RBBP8: variants seen among roughly 807,000 people sequenced by gnomAD.
The protein encoded by RBBP8 is DNA endonuclease RBBP8.
A neutral mutation model predicts 108.3 loss-of-function variants in RBBP8; 88 were observed. The observed-to-expected ratio is 0.81, with a 90% confidence interval of 0.68 to 0.97. RBBP8 has a LOEUF of 0.97. RBBP8 is among the 50% of genes least tolerant of loss of function. The pLI is 0.00. For missense variants in RBBP8, 1,023 were observed against 1,049.0 expected, an observed-to-expected ratio of 0.98 and a Z score of 0.34; for synonymous variants, 332 against 348.2, an observed-to-expected ratio of 0.95 and a Z score of 0.52.
At chr18:22,934,860 CT>C (rs1480114526) in intron 1 of RBBP8, 1 of 151,836 alleles carries the variant, frequency 6.6e-6, no homozygotes, top group East Asian at 1.9e-4. Context: ...CATTTACTGC[CT>C]TACGCCTCTT....
chr18:23,016,877 G>A lies in RBBP8; in HGVS notation c.2407G>A (p.Glu803Lys), dbSNP rs2144820572. Residue 803 changes from glutamate to lysine, a missense_variant, in exon 17 of 19, where the codon GAG (glutamate) becomes AAG (lysine). By Grantham distance (56) the Glu-to-Lys change is moderately conservative. Coordinates refer to ENST00000327155, the MANE Select transcript of RBBP8 (RefSeq NM_002894.3). ...FPHIEVVRKK[E>K]ERRKLLGHTC... The stretch of plus-strand genomic sequence containing the variant: ...TCATATTGAGGTGGTTCGGAAAAAA[G>A]AGGAGAGAAGAAAACTGCTTGGGCA... 3 of 1,613,782 alleles carry A rather than the reference G, an allele frequency of 1.9e-6. No homozygotes were observed. Among genetic ancestry groups the A allele is most frequent in the East Asian group, 2.2e-5 (1 of 44,846 alleles).
At chr18:22,945,439 G>A (rs1467887466) in intron 2 of RBBP8, among the ~76,000 whole-genome samples, 1 of 151,806 alleles carries the variant, frequency 6.6e-6, no homozygotes, top group Non-Finnish European at 1.5e-5. Context: ...CCACGCTGGA[G>A]TGCAATGGCG....
rs532257241 is a variant in RBBP8 at position 22,971,812 on chromosome 18, A to AT, written c.361+2900dup. 1.5e-4 allele frequency among the ~76,000 whole-genome samples: 22 copies of AT among 150,940 alleles called. No homozygotes were observed. In the South Asian group the frequency reaches 4.4e-3, roughly 30 times the overall value. On this transcript the variant is annotated intron_variant, in intron 5 of 18. Transcript: ENST00000327155. ...AGGCGCCCACCACCACGCCCAGCTAATTTTTTGTATTTTTAGTAGAGAAGC... is the reference window on the plus strand; with the variant it reads ...AGGCGCCCACCACCACGCCCAGCTAATTTTTTTGTATTTTTAGTAGAGAAGC...
intron 6 of RBBP8, among the ~76,000 whole-genome samples, chr18:22,980,889 A>G (rs1294823935): frequency 1.4e-5 from 2 of 146,176 alleles, no homozygotes; most frequent in Non-Finnish European, 3.0e-5. Flanking sequence ...AAATTTTTTA[A>G]TATATTTGTA....
chr18:23,000,038 GA>G (rs1376580435), intron 14 of RBBP8, among the ~76,000 whole-genome samples: 1 of 152,070 alleles, frequency 6.6e-6, no homozygotes, highest in African/African-American at 2.4e-5. Context: ...TTTGTAGTAG[GA>G]AGTATTTTAG....
chr18:22,946,217 C>G, intron 2 of RBBP8: 1 of 478,858 alleles, frequency 2.1e-6, no homozygotes, highest in Admixed American at 3.6e-5. Context: ...TAATAACTTA[C>G]TTTAGATGGG....
intron 16 of RBBP8, 112 bp downstream of exon 16, chr18:23,006,544 C>A: frequency 1.1e-6 from 1 of 936,858 alleles, no homozygotes; most frequent in Non-Finnish European, 1.7e-6. Context: ...CTCTGTCACC[C>A]AGGCTAGAGT....
chr18:22,937,485 CT>C (rs781096985), intron 2 of RBBP8, among the ~76,000 whole-genome samples: 229 of 142,418 alleles, frequency 1.6e-3, no homozygotes, highest in South Asian at 0.013. Flanking sequence ...TCAAAGATAT[CT>C]TTTTTTTTTT....
chr18:22,996,787 A>G (rs1002895363), intron 13 of RBBP8, among the ~76,000 whole-genome samples: 9 of 152,240 alleles, frequency 5.9e-5, no homozygotes, highest in African/African-American at 2.2e-4. Flanking sequence ...ACTTGAAGCC[A>G]GGAATTCGAG....
At chr18:22,949,785 G>T in intron 4 of RBBP8, 72 bp downstream of exon 4, 1 of 1,180,138 alleles carries the variant, frequency 8.5e-7, no homozygotes, top group East Asian at 2.4e-5. Flanking sequence ...ACTTTCATTT[G>T]TAATTAGTTT....
chr18:22,985,157 T>C (rs1915231299), intron 8 of RBBP8, 167 bp downstream of exon 8: 1 of 440,342 alleles, frequency 2.3e-6, no homozygotes, highest in African/African-American at 2.1e-5. Flanking sequence ...TGTTATCCTA[T>C]TCATATAAAT....
At chr18:22,973,070 C>T (rs962498885) in intron 5 of RBBP8, among the ~76,000 whole-genome samples, 10 of 152,214 alleles carry the variant, frequency 6.6e-5, no homozygotes, top group Admixed American at 5.9e-4. Context: ...ATGACTCCTA[C>T]GTCAAAACTT....
intron 14 of RBBP8, among the ~76,000 whole-genome samples, chr18:22,999,722 A>G (rs1255869037): frequency 3.3e-5 from 5 of 152,354 alleles, no homozygotes; most frequent in Middle Eastern, 3.4e-3. Flanking sequence ...ATATACCAAT[A>G]AAAATTCCAT....
intron 3 of RBBP8, among the ~76,000 whole-genome samples, chr18:22,948,369 TTTTA>T (rs951786918): frequency 1.4e-4 from 21 of 151,848 alleles, no homozygotes; most frequent in East Asian, 9.7e-4. Flanking sequence ...GTAGGAAATA[TTTTA>T]TTTATTTATT....
At chr18:22,914,867 T>A (rs897938284) in intron 1 of RBBP8, among the ~76,000 whole-genome samples, 32 of 152,300 alleles carry the variant, frequency 2.1e-4, no homozygotes, top group African/African-American at 7.5e-4. Context: ...CTGAGCTGAA[T>A]AGAAAGGAAT....
intron 3 of RBBP8, among the ~76,000 whole-genome samples, chr18:22,921,341 G>A (rs1909585387): frequency 6.6e-6 from 1 of 152,192 alleles, no homozygotes; most frequent in Admixed American, 6.5e-5. Flanking sequence ...CAAGAGAAGA[G>A]CACTTATCCA....
chr18:22,949,648 C>CA lies in RBBP8; in HGVS notation c.188dup (p.Asn63LysfsTer13). 1 of 1,613,010 alleles carries CA rather than the reference C, an allele frequency of 6.2e-7. No homozygotes were observed. The highest frequency in any genetic ancestry group is 8.5e-7 in the Non-Finnish European group (1 of 1,179,402). On this transcript the variant is annotated frameshift_variant, in exon 4 of 19. Transcript: ENST00000327155. LOFTEE classifies it high-confidence loss of function. ...CACAAAGACTAGAAGAATTCTTCAC[C>CA]AAAAATCAACAGCTGAGGGAACAGC... is the stretch of plus-strand genomic sequence containing the variant.
At chr18:22,994,114 G>A (rs1386175880) in intron 12 of RBBP8, among the ~76,000 whole-genome samples, 3 of 128,744 alleles carry the variant, frequency 2.3e-5, no homozygotes, top group Non-Finnish European at 3.1e-5. Context: ...TCCGCCTCCC[G>A]GGTTCACACC....
chr18:23,024,296 G>A (rs2046420575), intron 18 of RBBP8, among the ~76,000 whole-genome samples: 1 of 151,784 alleles, frequency 6.6e-6, no homozygotes, highest in African/African-American at 2.4e-5. Flanking sequence ...ATGAATGTTG[G>A]TACAGACATT....
Sources: gnomAD v4.1 joint callset for allele counts (sites outside exome capture counted in the v4.1 genomes callset) on GRCh38, gnomAD v4.1.1 for gene constraint, MANE v1.5 for transcripts, NCBI Gene and HGNC (gene_info 2026-07-23, HGNC 2026-07-21) for gene names.